Variants in PHTF1 observed in about 807,000 individuals in gnomAD.
PHTF1 encodes protein PHTF1.
Under a neutral mutation model 102.4 loss-of-function variants are expected in PHTF1, and 88 were observed. That is an observed-to-expected ratio of 0.86 (90% CI 0.72 to 1.03). The LOEUF (loss-of-function observed/expected upper bound fraction) is 1.03, where lower values mean the gene tolerates loss of function less well. Among genes scored for constraint, PHTF1 ranks in the 50% least tolerant of loss-of-function variants. The pLI, the probability that PHTF1 is intolerant of heterozygous loss-of-function variation, is 0.00. For missense variants in PHTF1, 814 were observed against 909.5 expected, an observed-to-expected ratio of 0.89 and a Z score of 1.35; for synonymous variants, 289 against 305.2, an observed-to-expected ratio of 0.95 and a Z score of 0.55.
At chr1:113,757,654 T>G (rs375129657) in intron 3 of PHTF1, 45 bp downstream of exon 3, 1 of 1,221,090 alleles carries the variant, frequency 8.2e-7, no homozygotes. Context: ...CCACTCTTCA[T>G]ATTAATGCAG....
chr1:113,723,115 A>C (rs1477979108), intron 7 of PHTF1, among the ~76,000 whole-genome samples: 1 of 151,876 alleles, frequency 6.6e-6, no homozygotes, highest in African/African-American at 2.4e-5. Flanking sequence ...GCATAAAAAC[A>C]CATCGGCCAA....
At chr1:113,700,266 A>C in intron 16 of PHTF1, 2 of 611,426 alleles carry the variant, frequency 3.3e-6, no homozygotes, top group Non-Finnish European at 4.1e-6. Flanking sequence ...AAAAACAGAA[A>C]CGAATGATAA....
At chr1:113,708,385 G>A (rs1261456314) in intron 11 of PHTF1, among the ~76,000 whole-genome samples, 2 of 152,216 alleles carry the variant, frequency 1.3e-5, no homozygotes, top group Non-Finnish European at 2.9e-5. Context: ...CAGTACTTTC[G>A]GAGGCCGAGG....
Position 113,704,068 on chromosome 1 carries a change from G to A in PHTF1, c.1890+13C>T, listed in dbSNP as rs751986830. ...ATTTTCATTTTTCCTTAAAGCAGATGTGAAACTTTTACCTGAGCACAACAA... is the reference window on the plus strand; with the variant it reads ...ATTTTCATTTTTCCTTAAAGCAGATATGAAACTTTTACCTGAGCACAACAA... On this transcript the variant is annotated intron_variant, in intron 15 of 18. Coordinates refer to ENST00000369604, the MANE Select transcript of PHTF1 (RefSeq NM_001323043.2). 4.5e-6 allele frequency: 7 copies of A among 1,571,974 alleles called. No homozygotes were observed. Among genetic ancestry groups the A allele is most frequent in the Non-Finnish European group, 6.1e-6 (7 of 1,142,206 alleles).
intron 7 of PHTF1, among the ~76,000 whole-genome samples, chr1:113,715,648 C>CAAAAAA (rs60517410): frequency 0.015 from 381 of 24,970 alleles, 77 homozygotes; most frequent in Middle Eastern, 0.12. Context: ...AACCCTGTCT[C>CAAAAAA]AAAAAAAAAA....
At chr1:113,708,363 C>G (rs531948346) in intron 11 of PHTF1, among the ~76,000 whole-genome samples, 1 of 152,206 alleles carries the variant, frequency 6.6e-6, no homozygotes, top group Non-Finnish European at 1.5e-5. Context: ...CGGTGGCTCA[C>G]GCCTGTAGTC....
rs576861871 is a variant in PHTF1, at chr1:113,746,072, C to T, written c.103-7273G>A. ...ACTGTAGCACTAAAGCAGACACAGA[C>T]ATTGAATATAAATATGTAAAGCACT... On this transcript the variant is annotated intron_variant, in intron 3 of 18. Transcript: ENST00000369604. Among the ~76,000 whole-genome samples, 7 of 152,250 alleles carry T rather than the reference C, an allele frequency of 4.6e-5. No homozygotes were observed. In the South Asian group the frequency reaches 1.4e-3, roughly 32 times the overall value.
At chr1:113,754,190 T>C (rs1159283642) in intron 3 of PHTF1, among the ~76,000 whole-genome samples, 1 of 152,176 alleles carries the variant, frequency 6.6e-6, no homozygotes. Flanking sequence ...GTGGAAGCAC[T>C]GCTTGAGCTC....
chr1:113,757,719 T>C lies in PHTF1; in HGVS notation c.82A>G (p.Ile28Val), dbSNP rs773089079. 20 of 1,608,708 alleles carry C rather than the reference T, an allele frequency of 1.2e-5. No individual in the cohort carries two copies. Among genetic ancestry groups the C allele is most frequent in the Non-Finnish European group, 1.6e-5 (19 of 1,175,166 alleles). ...AYDQQIWEKS[I>V]EQTQIKGLKN... ...TTTACCTTAATCTGAGTCTGTTCGA[T>C]TGACTTTTCCCATATCTGCTGATCG... The change falls in exon 3 of 19, where the codon ATC (isoleucine) becomes GTC (valine). Residue 28 changes from isoleucine (I) to valine (V), a missense_variant. Coordinates refer to ENST00000369604, the MANE Select transcript of PHTF1 (RefSeq NM_001323043.2).
intron 5 of PHTF1, among the ~76,000 whole-genome samples, chr1:113,733,473 A>G (rs1329902337): frequency 1.3e-5 from 2 of 152,192 alleles, no homozygotes; most frequent in African/African-American, 4.8e-5. Context: ...GGAAGATGCT[A>G]TAACATATGT....
At chr1:113,734,507 T>G (rs1162946071) in intron 5 of PHTF1, among the ~76,000 whole-genome samples, 1 of 152,240 alleles carries the variant, frequency 6.6e-6, no homozygotes, top group South Asian at 2.1e-4. Context: ...TGGTCTAGGA[T>G]TCTGTGGAAA....
At chr1:113,700,305 C>G (rs569984338) in intron 16 of PHTF1, 2 of 403,664 alleles carry the variant, frequency 5.0e-6, no homozygotes, top group African/African-American at 4.3e-5. Context: ...TATGGAAAAA[C>G]TTGAAATTAA....
Position 113,710,400 on chromosome 1 carries a change from C to A in PHTF1, c.1123G>T (p.Asp375Tyr). Residue 375 changes from aspartate to tyrosine, a missense_variant, in exon 11 of 19, where the codon GAC becomes TAC. By Grantham distance (160) the Asp-to-Tyr change is radical. Coordinates refer to ENST00000369604, the MANE Select transcript of PHTF1 (RefSeq NM_001323043.2). ...CATAACATGTCCTCAGTCTCCGAGTCATGGCGGGTGCTTTCTGAGTCTCTT... is the reference window on the plus strand; with the variant it reads ...CATAACATGTCCTCAGTCTCCGAGTAATGGCGGGTGCTTTCTGAGTCTCTT... Reference protein sequence around the residue: ...SRRDSESTRHDSETEDMLWDD... With the variant: ...SRRDSESTRHYSETEDMLWDD... 6.2e-7 allele frequency: 1 copy of A among 1,614,160 alleles called. No individual in the cohort carries two copies. The highest frequency in any genetic ancestry group is 1.1e-5 in the South Asian group (1 of 91,072).
rs1335621608 is a variant in PHTF1, at chr1:113,724,875, TAC to T, written c.505_506del (p.Val169LysfsTer3). On this transcript the variant is annotated frameshift_variant, in exon 7 of 19. Coordinates refer to ENST00000369604, the MANE Select transcript of PHTF1 (RefSeq NM_001323043.2). LOFTEE classifies it high-confidence loss of function. ...NRRRRKLRKT[V>X]NGDGSRENGN... is the part of the protein sequence containing the mutation. ...CATTTTCTCGGCTCCCATCACCATTTACAGTTTTTCGTAATTTTCTACAAAAA... is the reference window on the plus strand; with the variant it reads ...CATTTTCTCGGCTCCCATCACCATTTAGTTTTTCGTAATTTTCTACAAAAA... The T allele has an allele frequency of 3.8e-6, 6 of 1,598,602 alleles. No individual in the cohort carries two copies. The East Asian group carries it at 1.3e-4, about 36-fold the overall frequency.
At chr1:113,709,839 C>T (rs1571106787) in intron 11 of PHTF1, among the ~76,000 whole-genome samples, 1 of 152,012 alleles carries the variant, frequency 6.6e-6, no homozygotes, top group Non-Finnish European at 1.5e-5. Flanking sequence ...TAATATAAAA[C>T]CTGAAATTAA....
chr1:113,749,135 T>A (rs182205186), intron 3 of PHTF1, among the ~76,000 whole-genome samples: 1 of 152,340 alleles, frequency 6.6e-6, no homozygotes, highest in Non-Finnish European at 1.5e-5. Context: ...GATATCTCAG[T>A]CTTTTTATAG....
At chr1:113,755,297 A>G (rs1050601100) in intron 3 of PHTF1, among the ~76,000 whole-genome samples, 2 of 152,132 alleles carry the variant, frequency 1.3e-5, no homozygotes, top group African/African-American at 4.8e-5. Context: ...ACTTAAGCAT[A>G]TTAAAAAGAT....
At chr1:113,702,567 C>A (rs1010516571) in intron 15 of PHTF1, among the ~76,000 whole-genome samples, 7 of 151,722 alleles carry the variant, frequency 4.6e-5, no homozygotes, top group Non-Finnish European at 8.8e-5. Flanking sequence ...GCCTGGGGAA[C>A]AAAGCCAGAC....
At chr1:113,720,510 G>A (rs1350853092) in intron 7 of PHTF1, among the ~76,000 whole-genome samples, 1 of 152,174 alleles carries the variant, frequency 6.6e-6, no homozygotes. Flanking sequence ...CTCAGTGCAT[G>A]AATCATTTTC....
Sources: allele counts gnomAD v4.1 joint callset (sites outside exome capture counted in the v4.1 genomes callset), GRCh38; gene constraint gnomAD v4.1.1; transcripts MANE v1.5; gene names NCBI Gene and HGNC (gene_info 2026-07-23, HGNC 2026-07-21).